Variants in ZFP1 observed in about 807,000 individuals in gnomAD.
The protein encoded by ZFP1 is zinc finger protein 1 homolog.
In ZFP1, 32 loss-of-function variants were observed where a neutral mutation model predicts 38.5. The ratio of observed to expected loss-of-function variants is 0.83; its 90% confidence interval spans 0.63 to 1.12. ZFP1 has a LOEUF of 1.12. ZFP1 is among the 50% of genes most tolerant of loss of function. The pLI, the probability that ZFP1 is intolerant of heterozygous loss-of-function variation, is 0.00. For synonymous variants in ZFP1, 245 were observed against 168.8 expected (o/e 1.45, Z -3.50); for missense variants, 616 against 480.8 (o/e 1.28, Z -2.63).
the ZFP1 span, among the ~76,000 whole-genome samples, chr16:75,142,442 T>C: frequency 1.3e-5 from 2 of 152,124 alleles, no homozygotes; most frequent in Non-Finnish European, 2.9e-5. Context: ...CTAAGACCAG[T>C]TGGACCTAGT....
chr16:75,145,094 A>G (rs1046581663), upstream of ZFP1, among the ~76,000 whole-genome samples: 1 of 152,248 alleles, frequency 6.6e-6, no homozygotes, highest in African/African-American at 2.4e-5. Context: ...CACTGTATCC[A>G]TTCATCAGCT....
the ZFP1 span, among the ~76,000 whole-genome samples, chr16:75,141,110 T>G: frequency 1.3e-5 from 2 of 152,108 alleles, no homozygotes; most frequent in Non-Finnish European, 2.9e-5. Context: ...AAAATTGTTC[T>G]TAAACATTGA....
chr16:75,133,420 C>A, the ZFP1 span, among the ~76,000 whole-genome samples: 1 of 152,272 alleles, frequency 6.6e-6, no homozygotes, highest in East Asian at 1.9e-4. Context: ...CTCCTCTCCT[C>A]CCACCCTCCA....
At chr16:75,131,481 C>G in the ZFP1 span, among the ~76,000 whole-genome samples, 1 of 152,140 alleles carries the variant, frequency 6.6e-6, no homozygotes, top group Non-Finnish European at 1.5e-5. Context: ...CATCACGTTG[C>G]TAACATCACC....
the ZFP1 span, among the ~76,000 whole-genome samples, chr16:75,123,010 G>C: frequency 6.6e-6 from 1 of 152,006 alleles, no homozygotes; most frequent in Admixed American, 6.6e-5. Context: ...TCATAATTTT[G>C]AATCTAAAGT....
chr16:75,160,424 C>A (rs1465079758), intron 2 of ZFP1, among the ~76,000 whole-genome samples: 1 of 151,762 alleles, frequency 6.6e-6, no homozygotes, highest in Non-Finnish European at 1.5e-5. Flanking sequence ...TACTAAACCC[C>A]ATCTATACTA....
the ZFP1 span, among the ~76,000 whole-genome samples, chr16:75,137,549 C>G: frequency 2.0e-4 from 12 of 60,316 alleles, no homozygotes; most frequent in African/African-American, 5.0e-4. Context: ...CAAGCTCCGC[C>G]TCCTGGGTTC....
At chr16:75,158,694 G>C (rs1360236585) in intron 2 of ZFP1, among the ~76,000 whole-genome samples, 1 of 147,350 alleles carries the variant, frequency 6.8e-6, no homozygotes, top group Non-Finnish European at 1.5e-5. Flanking sequence ...TTTATTTTTA[G>C]TTGTCCTGTG....
chr16:75,132,123 C>T, the ZFP1 span, among the ~76,000 whole-genome samples: 1 of 152,234 alleles, frequency 6.6e-6, no homozygotes, highest in Middle Eastern at 3.4e-3. Flanking sequence ...CATGGTGGCT[C>T]ACACTTGTCA....
intron 2 of ZFP1, among the ~76,000 whole-genome samples, chr16:75,161,283 G>T (rs1033919122): frequency 6.6e-6 from 1 of 151,876 alleles, no homozygotes; most frequent in Non-Finnish European, 1.5e-5. Context: ...TGTCCAGGCT[G>T]GTCTCGAACT....
At position 75,171,490 on chromosome 16, in the gene ZFP1, T is replaced by C. The variant is rs1379915140; in HGVS notation, c.*1156T>C. 1 of 152,224 alleles carries C rather than the reference T, an allele frequency of 6.6e-6. No homozygotes were observed. The highest frequency in any genetic ancestry group is 2.4e-5 in the African/African-American group (1 of 41,468). The allele number at this position is 152,224 out of a possible 1,614,324, so 9.4% of individuals were successfully genotyped here. On this transcript the variant is annotated 3_prime_UTR_variant, in exon 4 of 4. Transcript: ENST00000570010. ...AAACATTTCCCTTTGGAACATGAGTTATAAGTTATTACTTTTCCTTTACAT... is the reference window on the plus strand; with the variant it reads ...AAACATTTCCCTTTGGAACATGAGTCATAAGTTATTACTTTTCCTTTACAT...
Position 75,170,363 on chromosome 16 carries a change from C to T in ZFP1, c.*29C>T. The T allele has an allele frequency of 6.5e-7, 1 of 1,538,252 alleles. No individual in the cohort carries two copies. The highest frequency in any genetic ancestry group is 8.7e-7 in the Non-Finnish European group (1 of 1,143,614). On this transcript the variant is annotated 3_prime_UTR_variant, in exon 4 of 4. Transcript: ENST00000570010. ...TCCAGCCAGGTCTTACTGTGGAAAA[C>T]TCCTGCCAGAACTCTTCAAGCGGGT...
upstream of ZFP1, among the ~76,000 whole-genome samples, chr16:75,146,897 A>C (rs1370821522): frequency 1.4e-5 from 2 of 142,750 alleles, no homozygotes; most frequent in Non-Finnish European, 3.0e-5. Flanking sequence ...CCATGATCGC[A>C]CCACTGCACT....
At position 75,170,077 on chromosome 16, in the gene ZFP1, C is replaced by T. The variant is rs775553715; in HGVS notation, c.967C>T (p.Arg323Cys). The T allele has an allele frequency of 2.5e-6, 4 of 1,614,100 alleles. No individual in the cohort carries two copies. The highest frequency in any genetic ancestry group is 2.2e-5 in the East Asian group (1 of 44,882). The change falls in exon 4 of 4, where the codon CGC (arginine) becomes TGC (cysteine). Residue 323 changes from arginine to cysteine, a missense_variant. By Grantham distance (180) the Arg-to-Cys change is radical. Coordinates refer to ENST00000570010, the MANE Select transcript of ZFP1 (RefSeq NM_153688.4). Reference protein sequence around the residue: ...IHQKIHTGEKRYECSECGKSF... With the variant: ...IHQKIHTGEKCYECSECGKSF... Reference sequence around the variant, plus strand: ...TCAGAAGATTCACACGGGGGAGAAACGCTATGAGTGCAGTGAATGTGGAAA... The same window carrying T: ...TCAGAAGATTCACACGGGGGAGAAATGCTATGAGTGCAGTGAATGTGGAAA...
At chr16:75,138,110 C>T in the ZFP1 span, among the ~76,000 whole-genome samples, 1 of 132,710 alleles carries the variant, frequency 7.5e-6, no homozygotes, top group African/African-American at 3.0e-5. Context: ...GATCTTGGCT[C>T]ACTGCAACCT....
chr16:75,159,227 A>ATTCC (rs1434929490), intron 2 of ZFP1, among the ~76,000 whole-genome samples: 5 of 142,412 alleles, frequency 3.5e-5, no homozygotes, highest in African/African-American at 1.3e-4. Context: ...TTTCTCCTTC[A>ATTCC]TTCCTTCCTT....
At chr16:75,164,979 A>T (rs889479386) in intron 2 of ZFP1, among the ~76,000 whole-genome samples, 1 of 151,854 alleles carries the variant, frequency 6.6e-6, no homozygotes, top group African/African-American at 2.4e-5. Flanking sequence ...CTAATTTTGT[A>T]TTTTTAGTAG....
upstream of ZFP1, among the ~76,000 whole-genome samples, chr16:75,143,588 A>C (rs886381964): frequency 9.3e-5 from 14 of 150,784 alleles, no homozygotes; most frequent in South Asian, 2.5e-3. Context: ...TTACATTTAA[A>C]GTATGATCTA....
At chr16:75,133,721 T>A in the ZFP1 span, among the ~76,000 whole-genome samples, 1 of 152,216 alleles carries the variant, frequency 6.6e-6, no homozygotes, top group Non-Finnish European at 1.5e-5. Flanking sequence ...ACTTCACAGA[T>A]GATGTTGTGT....
Sources: allele counts gnomAD v4.1 joint callset (sites outside exome capture counted in the v4.1 genomes callset), GRCh38; gene constraint gnomAD v4.1.1; transcripts MANE v1.5; gene names NCBI Gene and HGNC (gene_info 2026-07-23, HGNC 2026-07-21).